Variants in ICA1 observed in about 807,000 individuals in gnomAD.
The protein encoded by ICA1 is islet cell autoantigen 1.
In ICA1, 40 loss-of-function variants were observed where a neutral mutation model predicts 71.0. That is an observed-to-expected ratio of 0.56 (90% confidence interval 0.44 to 0.73). ICA1 has a LOEUF of 0.73. Among genes scored for constraint, ICA1 ranks in the 30% least tolerant of loss-of-function variants. The probability of loss-of-function intolerance (pLI) is 0.00; values close to 1 mark genes in which losing one functional copy is unlikely to be tolerated. For synonymous variants in ICA1, 207 were observed against 209.5 expected, an observed-to-expected ratio of 0.99 and a Z score of 0.10; for missense variants, 578 against 576.5, an observed-to-expected ratio of 1.00 and a Z score of -0.03.
intron 9 of ICA1, among the ~76,000 whole-genome samples, chr7:8,143,100 GCCAT>G (rs892470871): frequency 3.9e-5 from 6 of 152,136 alleles, no homozygotes; most frequent in African/African-American, 1.4e-4. Flanking sequence ...TAGAAACGAG[GCCAT>G]CCATTTTGTT....
At chr7:8,203,871 T>A (rs1426932768) in intron 6 of ICA1, among the ~76,000 whole-genome samples, 1 of 152,128 alleles carries the variant, frequency 6.6e-6, no homozygotes, top group East Asian at 1.9e-4. Context: ...TTTCCAACCA[T>A]GAGCCTCAGC....
intron 2 of ICA1, among the ~76,000 whole-genome samples, chr7:8,233,551 G>A (rs935054237): frequency 6.6e-6 from 1 of 151,822 alleles, no homozygotes; most frequent in Non-Finnish European, 1.5e-5. Context: ...ATGCTACCAC[G>A]CCCAGCTACT....
intron 12 of ICA1, among the ~76,000 whole-genome samples, chr7:8,137,976 C>G (rs751976006): frequency 2.0e-5 from 3 of 152,152 alleles, no homozygotes; most frequent in Non-Finnish European, 2.9e-5. Flanking sequence ...TGTGAGAAAT[C>G]TGTAAAGCCA....
chr7:8,206,181 G>C (rs574370996), intron 6 of ICA1, among the ~76,000 whole-genome samples: 6 of 152,152 alleles, frequency 3.9e-5, no homozygotes, highest in East Asian at 1.9e-4. Flanking sequence ...AGTTCTCCTA[G>C]AACAGTGGAG....
At chr7:8,166,562 C>T (rs1014749706) in intron 6 of ICA1, among the ~76,000 whole-genome samples, 2 of 152,096 alleles carry the variant, frequency 1.3e-5, no homozygotes, top group Non-Finnish European at 2.9e-5. Flanking sequence ...CTGGGACAAA[C>T]CATTCTGGAC....
chr7:8,212,743 C>T (rs763651893), intron 6 of ICA1, among the ~76,000 whole-genome samples: 13 of 152,202 alleles, frequency 8.5e-5, no homozygotes, highest in Admixed American at 6.5e-4. Flanking sequence ...GGTCACGCTC[C>T]TTCCTCCTCT....
At chr7:8,182,449 T>C (rs1056417996) in intron 6 of ICA1, among the ~76,000 whole-genome samples, 7 of 152,174 alleles carry the variant, frequency 4.6e-5, no homozygotes, top group African/African-American at 9.7e-5. Flanking sequence ...GGAATGACTA[T>C]GAAAGTTGGG....
intron 6 of ICA1, among the ~76,000 whole-genome samples, chr7:8,194,028 A>C (rs1230809856): frequency 6.6e-6 from 1 of 152,212 alleles, no homozygotes; most frequent in Non-Finnish European, 1.5e-5. Flanking sequence ...ATATGTGGCC[A>C]ATTAAAATTA....
intron 6 of ICA1, among the ~76,000 whole-genome samples, chr7:8,208,660 G>A (rs1205842415): frequency 1.3e-5 from 2 of 152,194 alleles, no homozygotes; most frequent in Non-Finnish European, 2.9e-5. Context: ...ATAAACTACA[G>A]AGGCGAGAGA....
Position 8,233,774 on chromosome 7 carries a change from CACAATAAAATA to C in ICA1, c.18-1030_18-1020del, listed in dbSNP as rs1422484319. Among the ~76,000 whole-genome samples the C allele has an allele frequency of 2.0e-5, 3 of 152,042 alleles. No individual in the cohort carries two copies. The East Asian group carries it at 5.8e-4, about 29-fold the overall frequency. ...TTGACTTCATGTTAACTGTTCTTAC[CACAATAAAATA>C]ACAATAAAATAAATTTAAAATTGGT... On this transcript the variant is annotated intron_variant, in intron 2 of 13. Coordinates refer to ENST00000402384, the MANE Select transcript of ICA1 (RefSeq NM_001136020.3).
chr7:8,126,494 A>C (rs1789238930), intron 13 of ICA1, among the ~76,000 whole-genome samples: 1 of 152,206 alleles, frequency 6.6e-6, no homozygotes, highest in African/African-American at 2.4e-5. Context: ...ATGGCTATGA[A>C]ATAAGACTCC....
In ICA1 at chr7:8,232,618, G is replaced by A; in HGVS notation, c.155C>T (p.Ser52Phe). ...GKKEDEHVVA[S>F]DADLDAKLEL... ...TAGCTTGGCATCCAGGTCCGCGTCAGAGGCAACAACATGTTCATCTTCCTT... is the reference window on the plus strand; with the variant it reads ...TAGCTTGGCATCCAGGTCCGCGTCAAAGGCAACAACATGTTCATCTTCCTT... The change falls in exon 3 of 14, where the codon TCT becomes TTT. Residue 52 changes from serine (S) to phenylalanine (F), a missense_variant. Ser to Phe is a radical substitution (Grantham distance 155). Transcript: ENST00000402384. 6.2e-7 allele frequency: 1 copy of A among 1,612,780 alleles called. No homozygotes were observed. Among genetic ancestry groups the A allele is most frequent in the East Asian group, 2.2e-5 (1 of 44,806 alleles).
At position 8,218,522 on chromosome 7, in the gene ICA1, CCA is replaced by C; in HGVS notation, c.381-21_381-20del. 6.2e-7 allele frequency: 1 copy of C among 1,610,352 alleles called. No individual in the cohort carries two copies. Among genetic ancestry groups the C allele is most frequent in the East Asian group, 2.2e-5 (1 of 44,814 alleles). The stretch of plus-strand genomic sequence containing the variant: ...GGCCAACCTAGACAAGAGGACAAAG[CCA>C]CACTCTCAAAACTAAGCCAGTGAGC... On this transcript the variant is annotated intron_variant, in intron 5 of 13. Transcript: ENST00000402384.
At chr7:8,192,825 GTAATT>G (rs1378525932) in intron 6 of ICA1, among the ~76,000 whole-genome samples, 3 of 152,128 alleles carry the variant, frequency 2.0e-5, no homozygotes, top group African/African-American at 7.2e-5. Flanking sequence ...ATTTAAATTA[GTAATT>G]TATTTTAACG....
intron 4 of ICA1, among the ~76,000 whole-genome samples, chr7:8,227,249 G>C (rs900343056): frequency 6.6e-6 from 1 of 152,162 alleles, no homozygotes; most frequent in African/African-American, 2.4e-5. Context: ...AAGCAGTGCA[G>C]ACAATAGGCT....
chr7:8,196,700 A>T (rs564544792), intron 6 of ICA1, among the ~76,000 whole-genome samples: 1 of 152,136 alleles, frequency 6.6e-6, no homozygotes, highest in Non-Finnish European at 1.5e-5. Context: ...TGCTCTTAAA[A>T]TAGTCTATTA....
chr7:8,191,207 C>A (rs571833246), intron 6 of ICA1, among the ~76,000 whole-genome samples: 1 of 152,298 alleles, frequency 6.6e-6, no homozygotes, highest in Admixed American at 6.5e-5. Context: ...TTGACCAGGT[C>A]TCACTGAATT....
intron 1 of ICA1, among the ~76,000 whole-genome samples, chr7:8,248,758 C>T (rs1164668460): frequency 6.6e-6 from 1 of 152,162 alleles, no homozygotes. Context: ...ACACACTTTT[C>T]AGAACAGAAC....
intron 6 of ICA1, among the ~76,000 whole-genome samples, chr7:8,172,143 T>C (rs961631286): frequency 6.6e-6 from 1 of 152,090 alleles, no homozygotes. Flanking sequence ...TATATCCTTA[T>C]TGATTTCTGT....
Sources: allele counts gnomAD v4.1 joint callset (sites outside exome capture counted in the v4.1 genomes callset), GRCh38; gene constraint gnomAD v4.1.1; transcripts MANE v1.5; gene names NCBI Gene and HGNC (gene_info 2026-07-23, HGNC 2026-07-21).